SLC15A3: variants seen among roughly 807,000 people sequenced by gnomAD.
SLC15A3 encodes osteoclast transporter.
Under a neutral mutation model 49.2 loss-of-function variants are expected in SLC15A3, and 39 were observed. The observed-to-expected ratio is 0.79, with a 90% CI of 0.61 to 1.04. SLC15A3 has a LOEUF of 1.04. SLC15A3 is among the 50% of genes least tolerant of loss of function. The pLI, the probability that SLC15A3 is intolerant of heterozygous loss-of-function variation, is 0.00. For missense variants in SLC15A3, 758 were observed against 794.8 expected (o/e 0.95, Z 0.56); for synonymous variants, 339 against 367.0 (o/e 0.92, Z 0.87).
At chr11:60,944,567 G>A (rs937328116) in intron 2 of SLC15A3, among the ~76,000 whole-genome samples, 3 of 152,174 alleles carry the variant, frequency 2.0e-5, no homozygotes, top group African/African-American at 4.8e-5. Flanking sequence ...AGTAAGACCA[G>A]AGACTGTGGA....
intron 1 of SLC15A3, among the ~76,000 whole-genome samples, chr11:60,948,079 G>A (rs913950202): frequency 4.6e-5 from 7 of 152,320 alleles, no homozygotes; most frequent in African/African-American, 7.2e-5. Context: ...TAGCTAGGGC[G>A]ATTTTGTCAA....
rs1273623829 is a variant in SLC15A3, at chr11:60,951,387, G to C, written c.165C>G (p.Asn55Lys). 6 of 1,543,114 alleles carry C rather than the reference G, an allele frequency of 3.9e-6. No homozygotes were observed. In the Admixed American group the frequency reaches 6.0e-5, roughly 16 times the overall value. The change falls in exon 1 of 8, where the codon AAC (asparagine) becomes AAG (lysine). Residue 55 changes from asparagine to lysine, a missense_variant. Coordinates refer to ENST00000227880, the MANE Select transcript of SLC15A3 (RefSeq NM_016582.3). Reference sequence around the variant, plus strand: ...TGGTGCTGTTGAGGTACAGCACGAGGTTGGCGGTGACGCCGAAGAAGGCGG... The same window carrying C: ...TGGTGCTGTTGAGGTACAGCACGAGCTTGGCGGTGACGCCGAAGAAGGCGG... ...ERAAFFGVTA[N>K]LVLYLNSTNF...
At chr11:60,941,352 G>A in intron 4 of SLC15A3, 62 bp from the exon 5 acceptor site, 1 of 1,532,490 alleles carries the variant, frequency 6.5e-7, no homozygotes, top group Non-Finnish European at 8.8e-7. Context: ...GCTGCAGTCA[G>A]GAGACCTGGA....
At chr11:60,944,702 C>T (rs190562836) in intron 2 of SLC15A3, among the ~76,000 whole-genome samples, 31 of 152,256 alleles carry the variant, frequency 2.0e-4, no homozygotes, top group Admixed American at 6.5e-5. Context: ...ATTCCCCCCC[C>T]TTGCTGTCTC....
Position 60,943,776 on chromosome 11 carries a change from CG to C in SLC15A3, c.908del (p.Pro303ArgfsTer12). 4 of 1,603,912 alleles carry C rather than the reference CG, an allele frequency of 2.5e-6. No individual in the cohort carries two copies. Among genetic ancestry groups the C allele is most frequent in the Admixed American group, 1.7e-5 (1 of 58,834 alleles). On this transcript the variant is annotated frameshift_variant, in exon 3 of 8. Coordinates refer to ENST00000227880, the MANE Select transcript of SLC15A3 (RefSeq NM_016582.3). LOFTEE classifies it high-confidence loss of function. ...CCTGGAAGTTGGCGATGTCCTCTTGCGGGGAAGCCCCTGGCTGGGGAGACCT... is the reference window on the plus strand; with the variant it reads ...CCTGGAAGTTGGCGATGTCCTCTTGCGGGAAGCCCCTGGCTGGGGAGACCT... ...DERSPQPGAS[P>X]QEDIANFQVL...
At chr11:60,939,246 G>C (rs1856674734) in intron 6 of SLC15A3, among the ~76,000 whole-genome samples, 1 of 152,184 alleles carries the variant, frequency 6.6e-6, no homozygotes, top group African/African-American at 2.4e-5. Flanking sequence ...GTGGAGAGCT[G>C]GTGTGGGAAG....
intron 2 of SLC15A3, among the ~76,000 whole-genome samples, chr11:60,945,029 T>G (rs1385008629): frequency 6.6e-6 from 1 of 152,252 alleles, no homozygotes; most frequent in Admixed American, 6.5e-5. Flanking sequence ...TTACTTTCAC[T>G]GCCATTGTTT....
Position 60,943,832 on chromosome 11 carries a change from G to C in SLC15A3, c.853C>G (p.Arg285Gly), listed in dbSNP as rs190794276. Residue 285 changes from arginine to glycine, a missense_variant, in exon 3 of 8, where the codon CGT becomes GGT. By Grantham distance (125) the Arg-to-Gly change is moderately radical (BLOSUM62 -2). Around this residue, in one of 3 missense-constraint regions of SLC15A3, gnomAD observed 699 missense variants for 706.7 expected, o/e 0.99. Transcript: ENST00000227880. ...TCGGCCAGCACGCGGGCACATTGACGGTCTCTGTGAGACCCCAGAGGCAGC... is the reference window on the plus strand; with the variant it reads ...TCGGCCAGCACGCGGGCACATTGACCGTCTCTGTGAGACCCCAGAGGCAGC... The part of the protein sequence containing the change: ...QLWQRHSARD[R>G]QCARVLADER... 1.9e-6 allele frequency: 3 copies of C among 1,576,828 alleles called. No individual in the cohort carries two copies. The highest frequency in any genetic ancestry group is 2.7e-5 in the African/African-American group (2 of 73,732).
At chr11:60,943,588 C>T in intron 3 of SLC15A3, 101 bp downstream of exon 3, 1 of 1,257,482 alleles carries the variant, frequency 8.0e-7, no homozygotes, top group Non-Finnish European at 1.0e-6. Flanking sequence ...CCCAGACTTT[C>T]CCCCTTTCCA....
chr11:60,951,408 G>A lies in SLC15A3; in HGVS notation c.144C>T (p.Ala48=). 6.5e-7 allele frequency: 1 copy of A among 1,531,518 alleles called. No homozygotes were observed. 94.9% of individuals were successfully genotyped at this position (1,531,518 alleles called of 1,614,324 possible). ...VLLVEMLERA[A]FFGVTANLVL... The stretch of plus-strand genomic sequence containing the variant: ...CGAGGTTGGCGGTGACGCCGAAGAA[G>A]GCGGCGCGCTCCAGCATCTCCACCA... The change falls in exon 1 of 8, where the codon GCC becomes GCT. Residue 48 remains alanine, a synonymous_variant. Coordinates refer to ENST00000227880, the MANE Select transcript of SLC15A3 (RefSeq NM_016582.3).
chr11:60,946,136 G>C (rs1856797816), intron 2 of SLC15A3, among the ~76,000 whole-genome samples: 1 of 152,022 alleles, frequency 6.6e-6, no homozygotes, highest in African/African-American at 2.4e-5. Flanking sequence ...GAGACCACAG[G>C]CACAGGCCAC....
Position 60,937,971 on chromosome 11 carries a change from C to A in SLC15A3, c.1490G>T (p.Gly497Val), listed in dbSNP as rs745812976. 1 of 1,614,144 alleles carries A rather than the reference C, an allele frequency of 6.2e-7. No homozygotes were observed. Among genetic ancestry groups the A allele is most frequent in the African/African-American group, 1.3e-5 (1 of 75,062 alleles). ...CACCCCCGACAGGCAGAAGAAGATGCCCATGATGGCGCCCTGCATGGAGCG... is the reference window on the plus strand; with the variant it reads ...CACCCCCGACAGGCAGAAGAAGATGACCATGATGGCGCCCTGCATGGAGCG... ...APRSMQGAIM[G>V]IFFCLSGVGS... Residue 497 changes from glycine (G) to valine (V), a missense_variant, in exon 7 of 8, where the codon GGC becomes GTC. Around this residue, in one of 3 missense-constraint regions of SLC15A3, gnomAD observed 699 missense variants for 706.7 expected, o/e 0.99. Transcript: ENST00000227880.
chr11:60,948,978 G>C (rs767869765), intron 1 of SLC15A3, among the ~76,000 whole-genome samples: 5 of 152,178 alleles, frequency 3.3e-5, no homozygotes, highest in Non-Finnish European at 7.3e-5. Context: ...AGGAAGATGA[G>C]AGATTCCCAT....
chr11:60,949,558 A>AAGAG (rs1467843604), intron 1 of SLC15A3, among the ~76,000 whole-genome samples: 37 of 72,516 alleles, frequency 5.1e-4, no homozygotes, highest in African/African-American at 1.0e-3. Flanking sequence ...GAAAGAAAGA[A>AAGAG]AGAAAGAAAG....
rs143864458 is a variant in SLC15A3, at chr11:60,937,998, G to A, written c.1463C>T (p.Pro488Leu). Reference protein sequence around the residue: ...PGLEFAYSEAPRSMQGAIMGI... With the variant: ...PGLEFAYSEALRSMQGAIMGI... ...CATGATGGCGCCCTGCATGGAGCGC[G>A]GGGCCTCTGAGTAGGCAAACTCCAG... Residue 488 changes from proline (P) to leucine (L), a missense_variant, in exon 7 of 8, where the codon CCG becomes CTG. Around this residue, in one of 3 missense-constraint regions of SLC15A3, gnomAD observed 699 missense variants for 706.7 expected, o/e 0.99. Coordinates refer to ENST00000227880, the MANE Select transcript of SLC15A3 (RefSeq NM_016582.3). 119 of 1,613,864 alleles carry A rather than the reference G, an allele frequency of 7.4e-5. No homozygotes were observed. Among genetic ancestry groups the A allele is most frequent in the Non-Finnish European group, 9.4e-5 (111 of 1,179,934 alleles).
chr11:60,938,545 A>G (rs11821184), intron 6 of SLC15A3, among the ~76,000 whole-genome samples: 4,149 of 152,082 alleles, frequency 0.027, 184 homozygotes, highest in African/African-American at 0.09. Flanking sequence ...AGGACCTCGG[A>G]TGGGGTCCTT....
chr11:60,946,803 C>T lies in SLC15A3; in HGVS notation c.577G>A (p.Asp193Asn), dbSNP rs776444965. 1.2e-5 allele frequency: 20 copies of T among 1,610,866 alleles called. No homozygotes were observed. In the African/African-American group the frequency reaches 2.4e-4, roughly 19 times the overall value. ...CAGTTGAAGAAGCGGCGGGTGGCGT[C>T]GCGGCCGAGATCCATCACCTGCCAT... ...GADQVMDLGR[D>N]ATRRFFNWFY... is the part of the protein sequence containing the mutation. Residue 193 changes from aspartate to asparagine, a missense_variant, in exon 2 of 8, where the codon GAC becomes AAC. Physicochemically the swap from Asp to Asn is conservative, Grantham distance 23. Transcript: ENST00000227880.
intron 2 of SLC15A3, among the ~76,000 whole-genome samples, chr11:60,946,287 C>G (rs923690153): frequency 7.2e-5 from 11 of 152,350 alleles, no homozygotes; most frequent in Non-Finnish European, 1.2e-4. Context: ...GCCACCGCCC[C>G]CAGCCCCATC....
chr11:60,951,219 G>C lies in SLC15A3; in HGVS notation c.333C>G (p.Tyr111Ter). 1 of 1,507,200 alleles carries C rather than the reference G, an allele frequency of 6.6e-7. No homozygotes were observed. 93.4% of individuals were successfully genotyped at this position (1,507,200 alleles called of 1,614,324 possible). The stretch of plus-strand genomic sequence containing the variant: ...CGGGCAGCAGGCCCGAGGCGGCCAG[G>C]TAGAGCAGCAGGCTGAGCGCGACCG... ...YRAVALSLLL[Y>*]LAASGLLPAT... Residue 111 changes from tyrosine to a stop codon, truncating the protein, a stop_gained, in exon 1 of 8, where the codon TAC (tyrosine) becomes TAG (stop). Transcript: ENST00000227880. LOFTEE classifies it high-confidence loss of function.
Sources: allele counts gnomAD v4.1 joint callset (sites outside exome capture counted in the v4.1 genomes callset), GRCh38; gene constraint gnomAD v4.1.1; regional missense constraint gnomAD v4.1.1; transcripts MANE v1.5; gene names NCBI Gene and HGNC (gene_info 2026-07-23, HGNC 2026-07-21).